The following CUL4B variants were observed in gnomAD, a reference collection of about 807,000 sequenced individuals.
The protein encoded by CUL4B is cullin 4B.
A neutral mutation model predicts 69.2 loss-of-function variants in CUL4B; 1 was observed. That is an observed-to-expected ratio of 0.01 (90% CI 0.01 to 0.07). CUL4B has a LOEUF of 0.07. Ranked by LOEUF, CUL4B falls within the 10% of genes least tolerant of loss-of-function variation. The pLI is 1.00. For missense variants in CUL4B, 328 were observed against 638.8 expected, an observed-to-expected ratio of 0.51 and a Z score of 5.24; for synonymous variants, 237 against 223.2, an observed-to-expected ratio of 1.06 and a Z score of -0.55.
intron 9 of CUL4B, among the ~76,000 whole-genome samples, chrX:120,542,355 G>A (rs986277825): frequency 4.5e-5 from 5 of 111,418 alleles, no homozygotes; most frequent in African/African-American, 6.5e-5. Context: ...TGAAATAACA[G>A]TATAACTGCA....
chrX:120,547,077 G>C (rs1325773335), intron 3 of CUL4B, 59 bp downstream of exon 3: 2 of 768,608 alleles, frequency 2.6e-6, no homozygotes, highest in Non-Finnish European at 4.0e-6. Flanking sequence ...TAAACAGTGA[G>C]GGGTAGGGAC....
chrX:120,562,155 C>G (rs942163432), upstream of CUL4B, among the ~76,000 whole-genome samples: 1 of 111,792 alleles, frequency 8.9e-6, no homozygotes, highest in Non-Finnish European at 1.9e-5. Flanking sequence ...ATAGACCCAA[C>G]AAAGCTAAGA....
downstream of CUL4B, among the ~76,000 whole-genome samples, chrX:120,570,286 C>T (rs1472752841): frequency 1.8e-5 from 2 of 112,017 alleles, no homozygotes; most frequent in African/African-American, 6.5e-5. Flanking sequence ...ATAATAAGAA[C>T]CACAATACTG....
intron 16 of CUL4B, among the ~76,000 whole-genome samples, chrX:120,535,236 C>T (rs1320696759): frequency 9.0e-6 from 1 of 111,306 alleles, no homozygotes; most frequent in East Asian, 2.8e-4. Context: ...TGGCAGTGTA[C>T]AGTTTTCATC....
chrX:120,546,432 A>AT, intron 4 of CUL4B, 115 bp downstream of exon 4: 1 of 508,184 alleles, frequency 2.0e-6, no homozygotes, highest in East Asian at 3.8e-5. Flanking sequence ...AGGAATAGAT[A>AT]TTGAAGCAAT....
intron 1 of CUL4B, chrX:120,559,740 C>CTGAA: frequency 3.0e-6 from 3 of 1,009,564 alleles, no homozygotes; most frequent in Non-Finnish European, 3.9e-6. Context: ...CGCTATGCAC[C>CTGAA]TGAAATAAAT....
chrX:120,560,456 G>C lies in CUL4B; in HGVS notation c.183C>G (p.Thr61=). 1 of 1,209,445 alleles carries C rather than the reference G, an allele frequency of 8.3e-7. No individual in the cohort carries two copies. The highest frequency in any genetic ancestry group is 1.1e-6 in the Non-Finnish European group (1 of 893,592). ...SSNEREDFDS[T]SSSSSTPPLQ... ...AAGGAGGAGTGGAAGAGGAGGAAGA[G>C]GTGGAATCAAAGTCTTCTCTCTCGT... The change falls in exon 1 of 20, where the codon ACC becomes ACG. Residue 61 remains threonine (T), a synonymous_variant. Transcript: ENST00000371322.
intron 2 of CUL4B, among the ~76,000 whole-genome samples, chrX:120,573,829 T>C (rs767132788): frequency 6.2e-5 from 7 of 112,149 alleles, no homozygotes; most frequent in Non-Finnish European, 1.3e-4. Context: ...TTTTCTTTTT[T>C]CTTTTCTTTT....
intron 19 of CUL4B, among the ~76,000 whole-genome samples, chrX:120,527,796 A>G (rs1460184246): frequency 1.8e-5 from 2 of 112,179 alleles, no homozygotes; most frequent in African/African-American, 6.5e-5. Flanking sequence ...AGAGCATTTC[A>G]GATTTTGGAT....
intron 2 of CUL4B, among the ~76,000 whole-genome samples, chrX:120,548,430 T>C (rs938855891): frequency 3.6e-5 from 4 of 112,242 alleles, no homozygotes; most frequent in Admixed American, 2.8e-4. Context: ...TTCTTGGATT[T>C]TCCTGAACAG....
At position 120,541,629 on chromosome X, in the gene CUL4B, A is replaced by C; in HGVS notation, c.1416T>G (p.Leu472=). 1 of 1,203,736 alleles carries C rather than the reference A, an allele frequency of 8.3e-7. No homozygotes were observed. The highest frequency in any genetic ancestry group is 1.1e-6 in the Non-Finnish European group (1 of 888,090). The change falls in exon 10 of 20, where the codon CTT becomes CTG. Residue 472 remains leucine, a synonymous_variant. Coordinates refer to ENST00000371322, the MANE Select transcript of CUL4B (RefSeq NM_001079872.2). ...FSRVRGGVQV[L]LQQWIEYIKA... is the part of the protein sequence containing the mutation. Reference sequence around the variant, plus strand: ...TGATATATTCGATCCACTGCTGCAAAAGAACCTGAACTCCACCTCGAACTC... The same window carrying C: ...TGATATATTCGATCCACTGCTGCAACAGAACCTGAACTCCACCTCGAACTC...
At chrX:120,532,770 T>TA (rs1303482331) in intron 17 of CUL4B, among the ~76,000 whole-genome samples, 176 bp from the exon 18 acceptor site, 1 of 111,333 alleles carries the variant, frequency 9.0e-6, no homozygotes, top group Non-Finnish European at 1.9e-5. Context: ...TCTTCTTTTT[T>TA]AAAAAAAATA....
intron 11 of CUL4B, 128 bp from the exon 12 acceptor site, chrX:120,539,500 A>C (rs1923864574): frequency 1.7e-5 from 7 of 424,151 alleles, no homozygotes; most frequent in Non-Finnish European, 2.9e-5. Context: ...ATGCATTTTT[A>C]AAAGTCTCCA....
chrX:120,534,385 C>A, intron 17 of CUL4B, 96 bp downstream of exon 17: 1 of 613,519 alleles, frequency 1.6e-6, no homozygotes, highest in Non-Finnish European at 2.7e-6. Flanking sequence ...AAACTCAAAA[C>A]AGTTCTGAGG....
At chrX:120,539,446 G>A in intron 11 of CUL4B, 74 bp from the exon 12 acceptor site, 1 of 553,989 alleles carries the variant, frequency 1.8e-6, no homozygotes, top group South Asian at 3.1e-5. Context: ...TATACCCAAA[G>A]AGGAGTATGA....
chrX:120,536,088 T>C, intron 15 of CUL4B, 145 bp from the exon 16 acceptor site: 1 of 480,497 alleles, frequency 2.1e-6, no homozygotes, highest in Non-Finnish European at 3.7e-6. Flanking sequence ...TGAAAAACAA[T>C]GATCTCCCAA....
Position 120,560,442 on chromosome X carries a change from G to A in CUL4B, c.197C>T (p.Ser66Phe). The change falls in exon 1 of 20, where the codon TCC (serine) becomes TTC (phenylalanine). Residue 66 changes from serine to phenylalanine, a missense_variant. By Grantham distance (155) the Ser-to-Phe change is radical. Around this residue, in one of 4 missense-constraint regions of CUL4B, gnomAD observed 102 missense variants for 122.1 expected, o/e 0.84. Coordinates refer to ENST00000371322, the MANE Select transcript of CUL4B (RefSeq NM_001079872.2). ...ATCCCTGGGTTGTAAAGGAGGAGTG[G>A]AAGAGGAGGAAGAGGTGGAATCAAA... ...EDFDSTSSSSSTPPLQPRDSA... is the reference protein window; with the variant it reads ...EDFDSTSSSSFTPPLQPRDSA... 2.5e-6 allele frequency: 3 copies of A among 1,208,986 alleles called. No homozygotes were observed. Among genetic ancestry groups the A allele is most frequent in the African/African-American group, 1.7e-5 (1 of 57,597 alleles).
intron 14 of CUL4B, 124 bp from the exon 15 acceptor site, chrX:120,537,158 A>G: frequency 1.9e-6 from 1 of 534,151 alleles, no homozygotes; most frequent in Admixed American, 2.8e-5. Flanking sequence ...TTAAAATAAA[A>G]GGCAACTATT....
intron 11 of CUL4B, among the ~76,000 whole-genome samples, chrX:120,539,993 T>C (rs1923896232): frequency 9.0e-6 from 1 of 111,722 alleles, no homozygotes; most frequent in Non-Finnish European, 1.9e-5. Flanking sequence ...GCCCAGATTA[T>C]TAGGTTTATT....
Sources: allele counts gnomAD v4.1 joint callset (sites outside exome capture counted in the v4.1 genomes callset), GRCh38; gene constraint gnomAD v4.1.1; regional missense constraint gnomAD v4.1.1; transcripts MANE v1.5; gene names NCBI Gene and HGNC (gene_info 2026-07-23, HGNC 2026-07-21).